The following SAXO5 variants were observed in gnomAD, a reference collection of about 807,000 sequenced individuals.
SAXO5 encodes the protein testis expressed 45.
chr19:7,507,007 C>G, the SAXO5 span: 2 of 1,502,752 alleles, frequency 1.3e-6, no homozygotes, highest in African/African-American at 2.8e-5. Context: ...ACCCTCAGCC[C>G]CGCCTCGGCC....
the SAXO5 span, chr19:7,505,522 T>A: frequency 3.7e-6 from 6 of 1,614,154 alleles, no homozygotes; most frequent in Non-Finnish European, 5.1e-6. Flanking sequence ...GGCAGAGCCT[T>A]TTGTTCTTCA....
the SAXO5 span, among the ~76,000 whole-genome samples, chr19:7,507,362 C>T: frequency 6.6e-6 from 1 of 152,134 alleles, no homozygotes; most frequent in East Asian, 1.9e-4. Context: ...GCAGGCGGAT[C>T]ACCTGAAGTC....
At chr19:7,500,911 C>T in the SAXO5 span, 2 of 1,584,370 alleles carry the variant, frequency 1.3e-6, no homozygotes, top group Admixed American at 3.4e-5. Context: ...TCGCTGGGGC[C>T]TGACCTGCGG....
chr19:7,500,257 G>A, the SAXO5 span, among the ~76,000 whole-genome samples: 1 of 151,988 alleles, frequency 6.6e-6, no homozygotes, highest in Admixed American at 6.6e-5. Flanking sequence ...AATCATTTAT[G>A]TGGTGCCTAC....
the SAXO5 span, among the ~76,000 whole-genome samples, chr19:7,498,156 CACACACACACACAT>C: frequency 2.9e-5 from 3 of 104,368 alleles, no homozygotes; most frequent in Non-Finnish European, 6.1e-5. Context: ...TTCATTAAAA[CACACACACACACAT>C]ACACACACAC....
the SAXO5 span, chr19:7,501,425 G>A: frequency 6.9e-6 from 10 of 1,457,528 alleles, no homozygotes; most frequent in South Asian, 2.9e-5. Context: ...GGCTGAGTGG[G>A]CGATTTGCTT....
chr19:7,504,994 T>A, the SAXO5 span, among the ~76,000 whole-genome samples: 1 of 150,762 alleles, frequency 6.6e-6, no homozygotes, highest in African/African-American at 2.4e-5. Context: ...TTTTCTTTTT[T>A]TTTTTTTGAG....
the SAXO5 span, chr19:7,508,166 C>G: frequency 1.3e-6 from 2 of 1,577,888 alleles, no homozygotes; most frequent in Non-Finnish European, 1.7e-6. Context: ...TCGGCCACCT[C>G]CCAGGCTGCC....
At chr19:7,501,016 T>C in the SAXO5 span, 2 of 1,527,648 alleles carry the variant, frequency 1.3e-6, no homozygotes, top group Non-Finnish European at 1.7e-6. Context: ...CCGCCCGCGC[T>C]GCTTTTCCCA....
the SAXO5 span, among the ~76,000 whole-genome samples, chr19:7,498,242 G>T: frequency 9.8e-3 from 1,468 of 150,208 alleles, 25 homozygotes; most frequent in African/African-American, 0.035. Context: ...ATGGGGTTTC[G>T]CTCTGTCACC....
the SAXO5 span, chr19:7,501,140 C>T: frequency 1.2e-5 from 18 of 1,508,282 alleles, no homozygotes; most frequent in Non-Finnish European, 1.5e-5. Flanking sequence ...AACGCACGCT[C>T]GCCATGCAGG....
At chr19:7,507,332 C>T in the SAXO5 span, among the ~76,000 whole-genome samples, 1 of 152,118 alleles carries the variant, frequency 6.6e-6, no homozygotes, top group Non-Finnish European at 1.5e-5. Flanking sequence ...CTTGTAATCC[C>T]AGCGCTTTGG....
At chr19:7,504,276 GT>G in the SAXO5 span, 1 of 1,613,814 alleles carries the variant, frequency 6.2e-7, no homozygotes, top group East Asian at 2.2e-5. Flanking sequence ...TGGGGGCTGG[GT>G]GGTTTGGGCC....
At chr19:7,506,152 G>C in the SAXO5 span, 17 of 1,605,722 alleles carry the variant, frequency 1.1e-5, no homozygotes, top group Non-Finnish European at 1.4e-5. Context: ...GCTACCTGCC[G>C]CGGGGCACGG....
the SAXO5 span, chr19:7,506,545 C>G: frequency 2.7e-6 from 1 of 370,724 alleles, no homozygotes; most frequent in Non-Finnish European, 5.1e-6. Flanking sequence ...CAGACTCTGG[C>G]TCCGCCCCTG....
the SAXO5 span, chr19:7,506,983 T>C: frequency 4.6e-6 from 6 of 1,295,516 alleles, no homozygotes; most frequent in Non-Finnish European, 6.7e-6. Flanking sequence ...AACCCTTCCC[T>C]TGAACTTCAC....
the SAXO5 span, among the ~76,000 whole-genome samples, chr19:7,499,414 T>G: frequency 6.7e-6 from 1 of 149,942 alleles, no homozygotes; most frequent in South Asian, 2.1e-4. Context: ...AGAAAAAGTG[T>G]GGCAGAAACG....
the SAXO5 span, chr19:7,505,580 C>T: frequency 1.2e-6 from 2 of 1,614,174 alleles, no homozygotes; most frequent in South Asian, 1.1e-5. Flanking sequence ...AATTGGTGCC[C>T]CGGCCCCGGC....
chr19:7,500,787 C>T, the SAXO5 span: 44 of 1,420,838 alleles, frequency 3.1e-5, no homozygotes, highest in African/African-American at 5.3e-4. Flanking sequence ...CTCAGTCCCT[C>T]ATCTCCACCC....
Sources: allele counts gnomAD v4.1 joint callset (sites outside exome capture counted in the v4.1 genomes callset), GRCh38; gene constraint gnomAD v4.1.1; transcripts MANE v1.5; gene names NCBI Gene and HGNC (gene_info 2026-07-23, HGNC 2026-07-21).